Variants in AKAP19 observed in about 807,000 individuals in gnomAD.
AKAP19 encodes A-kinase anchoring protein 19, also known as small A-kinase anchoring protein.
chr2:189,904,563 C>T, the AKAP19 span, among the ~76,000 whole-genome samples: 1 of 151,980 alleles, frequency 6.6e-6, no homozygotes, highest in African/African-American at 2.4e-5. Flanking sequence ...AGGGAGTCAT[C>T]ATCATTATCG....
At chr2:190,062,253 G>T in the AKAP19 span, 1 of 1,612,998 alleles carries the variant, frequency 6.2e-7, no homozygotes, top group East Asian at 2.2e-5. Context: ...GATTGTTTCC[G>T]TTGTAGCGTG....
At chr2:190,101,238 G>GTGCCTCA in the AKAP19 span, among the ~76,000 whole-genome samples, 1 of 152,220 alleles carries the variant, frequency 6.6e-6, no homozygotes, top group Admixed American at 6.5e-5. Context: ...GTTGTGGAAA[G>GTGCCTCA]TGCCTCACCA....
the AKAP19 span, among the ~76,000 whole-genome samples, chr2:190,112,774 T>C: frequency 6.6e-6 from 1 of 152,162 alleles, no homozygotes; most frequent in Non-Finnish European, 1.5e-5. Context: ...GGATTTTGCA[T>C]CTATGCTTAT....
chr2:190,050,400 ATTTAG>A, the AKAP19 span, among the ~76,000 whole-genome samples: 1 of 152,150 alleles, frequency 6.6e-6, no homozygotes, highest in African/African-American at 2.4e-5. Context: ...CTCAGGCCAA[ATTTAG>A]TTTAATGTTA....
At chr2:189,906,935 A>G in the AKAP19 span, among the ~76,000 whole-genome samples, 1 of 152,172 alleles carries the variant, frequency 6.6e-6, no homozygotes, top group Non-Finnish European at 1.5e-5. Flanking sequence ...TTAAAATCCC[A>G]ATTATGTTAA....
chr2:190,164,767 G>C, the AKAP19 span, among the ~76,000 whole-genome samples: 1 of 152,056 alleles, frequency 6.6e-6, no homozygotes, highest in African/African-American at 2.4e-5. Flanking sequence ...ACAAAATATG[G>C]AAAAACTTTC....
chr2:189,902,724 T>C, the AKAP19 span, among the ~76,000 whole-genome samples: 1 of 152,046 alleles, frequency 6.6e-6, no homozygotes, highest in East Asian at 1.9e-4. Context: ...TTTAGAACTA[T>C]ATGTAAAAAC....
the AKAP19 span, among the ~76,000 whole-genome samples, chr2:190,067,167 T>A: frequency 6.6e-6 from 1 of 152,226 alleles, no homozygotes; most frequent in East Asian, 1.9e-4. Flanking sequence ...TATTCAAGCA[T>A]GCATTTTATT....
chr2:189,968,617 C>T, the AKAP19 span, among the ~76,000 whole-genome samples: 1 of 152,094 alleles, frequency 6.6e-6, no homozygotes, highest in Non-Finnish European at 1.5e-5. Context: ...TAGCTATGCA[C>T]TACATACAAT....
chr2:190,203,097 C>T, the AKAP19 span: 1 of 167,034 alleles, frequency 6.0e-6, no homozygotes, highest in Admixed American at 6.5e-5. Context: ...TAGCATGATA[C>T]GCATATATCC....
chr2:189,882,658 G>A, the AKAP19 span, among the ~76,000 whole-genome samples: 1 of 152,106 alleles, frequency 6.6e-6, no homozygotes, highest in African/African-American at 2.4e-5. Context: ...TGTCTCAGGT[G>A]AGCAGAAGGA....
the AKAP19 span, among the ~76,000 whole-genome samples, chr2:190,143,284 GA>G: frequency 9.8e-4 from 116 of 118,896 alleles, no homozygotes; most frequent in African/African-American, 3.3e-3. Flanking sequence ...TATCCTGTAG[GA>G]AAAAAAAAAA....
At chr2:190,075,860 A>C in the AKAP19 span, among the ~76,000 whole-genome samples, 2 of 151,838 alleles carry the variant, frequency 1.3e-5, no homozygotes, top group Non-Finnish European at 2.9e-5. Context: ...GATTTGGTTT[A>C]AGTTTAGTGT....
the AKAP19 span, among the ~76,000 whole-genome samples, chr2:189,989,192 C>T: frequency 6.6e-6 from 1 of 152,018 alleles, no homozygotes; most frequent in African/African-American, 2.4e-5. Flanking sequence ...ATTAAGCATG[C>T]ATGAGAACAT....
the AKAP19 span, among the ~76,000 whole-genome samples, chr2:189,992,789 A>G: frequency 3.9e-5 from 6 of 151,912 alleles, no homozygotes; most frequent in African/African-American, 1.5e-4. Context: ...TCATAAAAGG[A>G]GTTGAGTTCT....
chr2:190,002,570 T>G, the AKAP19 span, among the ~76,000 whole-genome samples: 98 of 151,190 alleles, frequency 6.5e-4, no homozygotes, highest in East Asian at 5.4e-3. Context: ...AAGAAAGAAA[T>G]AAAGAAAAAA....
the AKAP19 span, among the ~76,000 whole-genome samples, chr2:189,972,999 GC>G: frequency 6.6e-6 from 1 of 152,118 alleles, no homozygotes; most frequent in South Asian, 2.1e-4. Flanking sequence ...GATTGCCCTG[GC>G]CAGAACTTCC....
At chr2:190,125,156 T>A in the AKAP19 span, among the ~76,000 whole-genome samples, 1 of 152,158 alleles carries the variant, frequency 6.6e-6, no homozygotes, top group African/African-American at 2.4e-5. Context: ...TGATAAAAAG[T>A]CAGTGCAGTA....
chr2:190,074,402 C>T, the AKAP19 span, among the ~76,000 whole-genome samples: 1 of 151,978 alleles, frequency 6.6e-6, no homozygotes, highest in African/African-American at 2.4e-5. Flanking sequence ...CCTGTAATCC[C>T]AGCACTTTGG....
Sources: allele counts gnomAD v4.1 joint callset (sites outside exome capture counted in the v4.1 genomes callset), GRCh38; gene constraint gnomAD v4.1.1; transcripts MANE v1.5; gene names NCBI Gene and HGNC (gene_info 2026-07-23, HGNC 2026-07-21).